Variants in FGF7 observed in about 807,000 individuals in gnomAD.
FGF7 encodes the protein fibroblast growth factor 7, also known as FGF-7.
FGF7 carries 6 observed loss-of-function variants against 20.5 expected under a neutral mutation model. The ratio of observed to expected loss-of-function variants is 0.29; its 90% CI spans 0.16 to 0.58. The LOEUF (loss-of-function observed/expected upper bound fraction) is 0.58. Ranked by LOEUF, FGF7 falls within the 20% of genes least tolerant of loss-of-function variation. FGF7 has a pLI of 0.90. For synonymous variants in FGF7, 64 were observed against 74.7 expected (o/e 0.86, Z 0.74); for missense variants, 144 against 228.8 (o/e 0.63, Z 2.39).
chr15:49,456,024 T>A (rs1227937640), intron 2 of FGF7, among the ~76,000 whole-genome samples: 2 of 152,138 alleles, frequency 1.3e-5, no homozygotes, highest in Admixed American at 1.3e-4. Context: ...AACATGCTGT[T>A]ACATGCTTTA....
At chr15:49,476,231 G>GTTTTTTTTTTTTTTTTTTTTTTTTTTT (rs1567351795) in intron 2 of FGF7, among the ~76,000 whole-genome samples, 2 of 29,114 alleles carry the variant, frequency 6.9e-5, no homozygotes, top group Non-Finnish European at 1.5e-4. Context: ...TTTTGTTTTT[G>GTTTTTTTTTTTTTTTTTTTTTTTTTTT]GTTTTTTTTT....
intron 2 of FGF7, among the ~76,000 whole-genome samples, chr15:49,428,995 T>C (rs1362950418): frequency 6.6e-6 from 1 of 151,970 alleles, no homozygotes; most frequent in Non-Finnish European, 1.5e-5. Context: ...ATTCTTTGGA[T>C]AGGCTCCTAC....
intron 2 of FGF7, among the ~76,000 whole-genome samples, chr15:49,450,301 C>T (rs1029534212): frequency 2.6e-5 from 4 of 152,078 alleles, no homozygotes; most frequent in African/African-American, 7.2e-5. Context: ...TACAAGATAA[C>T]TCTTTCTTCC....
chr15:49,439,445 C>T (rs2051422447), intron 2 of FGF7, among the ~76,000 whole-genome samples: 1 of 151,668 alleles, frequency 6.6e-6, no homozygotes, highest in African/African-American at 2.4e-5. Flanking sequence ...GAGGGAACTA[C>T]CCAAGGGTGT....
chr15:49,441,518 G>A (rs1427728068), intron 2 of FGF7, among the ~76,000 whole-genome samples: 1 of 151,668 alleles, frequency 6.6e-6, no homozygotes, highest in Non-Finnish European at 1.5e-5. Flanking sequence ...CAGGAAAGTA[G>A]ACCAGGAAGC....
At chr15:49,457,821 T>C (rs891004752) in intron 2 of FGF7, among the ~76,000 whole-genome samples, 1 of 151,982 alleles carries the variant, frequency 6.6e-6, no homozygotes, top group Non-Finnish European at 1.5e-5. Flanking sequence ...AGTCATCAGT[T>C]AAATGGTATA....
intron 2 of FGF7, among the ~76,000 whole-genome samples, chr15:49,441,576 A>G (rs1382344334): frequency 1.3e-5 from 2 of 151,610 alleles, no homozygotes; most frequent in Non-Finnish European, 3.0e-5. Context: ...TTCCATATAT[A>G]GAGAGAAAAG....
intron 2 of FGF7, among the ~76,000 whole-genome samples, chr15:49,426,556 ATT>A (rs765086436): frequency 1.3e-5 from 2 of 151,892 alleles, no homozygotes; most frequent in African/African-American, 2.4e-5. Context: ...TGTAAATTTT[ATT>A]TTGTTTGTGT....
intron 2 of FGF7, among the ~76,000 whole-genome samples, chr15:49,460,289 C>T (rs2053675770): frequency 6.6e-6 from 1 of 152,108 alleles, no homozygotes; most frequent in Non-Finnish European, 1.5e-5. Flanking sequence ...TACATAAGTA[C>T]TGATCCACCC....
intron 2 of FGF7, among the ~76,000 whole-genome samples, chr15:49,449,353 C>T (rs2052513534): frequency 6.6e-6 from 1 of 152,004 alleles, no homozygotes; most frequent in Non-Finnish European, 1.5e-5. Flanking sequence ...CTCTATAGGA[C>T]AGTGATTTTA....
chr15:49,454,476 T>C (rs2053079527), intron 2 of FGF7, among the ~76,000 whole-genome samples: 1 of 152,238 alleles, frequency 6.6e-6, no homozygotes, highest in Admixed American at 6.5e-5. Flanking sequence ...TATCCTCAAG[T>C]AAATTCAGTT....
intron 2 of FGF7, among the ~76,000 whole-genome samples, chr15:49,478,559 T>C (rs1281472796): frequency 6.6e-6 from 1 of 152,162 alleles, no homozygotes; most frequent in African/African-American, 2.4e-5. Flanking sequence ...GTTTTTTTCT[T>C]TGTTGATACT....
chr15:49,476,606 T>TGAC (rs2055343488), intron 2 of FGF7, among the ~76,000 whole-genome samples: 2 of 151,744 alleles, frequency 1.3e-5, no homozygotes, highest in South Asian at 4.1e-4. Context: ...TAGTAATTAA[T>TGAC]AAATCACATA....
Position 49,485,915 on chromosome 15 carries a change from A to C in FGF7, c.*1411A>C, listed in dbSNP as rs913505675. The C allele has an allele frequency of 2.6e-5, 4 of 152,030 alleles. No homozygotes were observed. The highest frequency in any genetic ancestry group is 9.7e-5 in the African/African-American group (4 of 41,434). 9.4% of individuals were successfully genotyped at this position (152,030 alleles called of 1,614,324 possible). A position where few individuals can be genotyped will look rare whatever the true frequency, so the allele number is the denominator to read the frequency against. On this transcript the variant is annotated 3_prime_UTR_variant, in exon 4 of 4. Coordinates refer to ENST00000267843, the MANE Select transcript of FGF7 (RefSeq NM_002009.4). ...GCACTGAAAGTTGTTTTCCTGTTAG[A>C]TGGCAAGAGCACAATGCCCAAAATA...
chr15:49,463,850 C>T (rs970460127), intron 2 of FGF7, among the ~76,000 whole-genome samples: 6 of 152,192 alleles, frequency 3.9e-5, no homozygotes, highest in Non-Finnish European at 8.8e-5. Flanking sequence ...TTTGCTAACG[C>T]TCTTATAAGC....
intron 2 of FGF7, among the ~76,000 whole-genome samples, chr15:49,477,007 C>T (rs1038892006): frequency 2.0e-5 from 3 of 149,182 alleles, no homozygotes; most frequent in East Asian, 2.0e-4. Flanking sequence ...TTGCAGTGAG[C>T]GGAGATCCCG....
At chr15:49,469,618 TA>T (rs2054558742) in intron 2 of FGF7, among the ~76,000 whole-genome samples, 1 of 152,122 alleles carries the variant, frequency 6.6e-6, no homozygotes, top group Admixed American at 6.5e-5. Context: ...AATAATTCAA[TA>T]AAGTATTTAC....
At chr15:49,449,257 T>C (rs1257685003) in intron 2 of FGF7, among the ~76,000 whole-genome samples, 3 of 152,048 alleles carry the variant, frequency 2.0e-5, no homozygotes, top group Non-Finnish European at 4.4e-5. Context: ...TAGTTATTTT[T>C]ATATGGAATA....
At chr15:49,472,631 C>T (rs374686399) in intron 2 of FGF7, among the ~76,000 whole-genome samples, 21 of 152,104 alleles carry the variant, frequency 1.4e-4, no homozygotes, top group East Asian at 1.2e-3. Context: ...GAGAAAAATG[C>T]GTACATATGA....
Sources: allele counts gnomAD v4.1 joint callset (sites outside exome capture counted in the v4.1 genomes callset), GRCh38; gene constraint gnomAD v4.1.1; transcripts MANE v1.5; gene names NCBI Gene and HGNC (gene_info 2026-07-23, HGNC 2026-07-21).